The following RPH3AL variants were observed in gnomAD, a reference collection of about 807,000 sequenced individuals.
RPH3AL encodes the protein rab effector Noc2.
In RPH3AL, 38 loss-of-function variants were observed where a neutral mutation model predicts 43.1. The ratio of observed to expected loss-of-function variants is 0.88; its 90% CI spans 0.68 to 1.15. The LOEUF (loss-of-function observed/expected upper bound fraction) is 1.15. Ranked by LOEUF, RPH3AL falls within the 50% of genes most tolerant of loss-of-function variation. RPH3AL has a pLI of 0.00. For missense variants in RPH3AL, 462 were observed against 423.2 expected (o/e 1.09, Z -0.81); for synonymous variants, 189 against 176.3 (o/e 1.07, Z -0.57).
At chr17:295,518 GAA>G (rs2043156994) in intron 5 of RPH3AL, among the ~76,000 whole-genome samples, 5 of 78,540 alleles carry the variant, frequency 6.4e-5, no homozygotes, top group African/African-American at 2.7e-4. Flanking sequence ...TGCAGAAATG[GAA>G]AGCAGAGGGA....
At chr17:271,885 A>G (rs2042472263) in intron 6 of RPH3AL, among the ~76,000 whole-genome samples, 1 of 152,212 alleles carries the variant, frequency 6.6e-6, no homozygotes, top group South Asian at 2.1e-4. Context: ...CAGAATCTAC[A>G]AAGAACTTAA....
At position 305,656 on chromosome 17, in the gene RPH3AL, G is replaced by A. The variant is rs757971432; in HGVS notation, c.351+13764C>T. ...TCCACACAGACATTCAGGCAGGTTCGAGGGAAGAAGACAGCTTCCCGGCCA... is the reference window on the plus strand; with the variant it reads ...TCCACACAGACATTCAGGCAGGTTCAAGGGAAGAAGACAGCTTCCCGGCCA... On this transcript the variant is annotated intron_variant, in intron 5 of 9. Coordinates refer to ENST00000331302, the MANE Select transcript of RPH3AL (RefSeq NM_006987.4). Among the ~76,000 whole-genome samples the A allele has an allele frequency of 5.3e-5, 8 of 152,196 alleles. No individual in the cohort carries two copies. In the East Asian group the frequency reaches 7.7e-4, roughly 15 times the overall value.
intron 2 of RPH3AL, chr17:332,402 A>C (rs1437716482): frequency 5.7e-6 from 1 of 175,004 alleles, no homozygotes; most frequent in African/African-American, 2.4e-5. Context: ...CCCGCCCAGA[A>C]GTGTTCAGTT....
At chr17:272,837 A>G (rs965672426) in intron 6 of RPH3AL, among the ~76,000 whole-genome samples, 22 of 151,532 alleles carry the variant, frequency 1.5e-4, no homozygotes, top group African/African-American at 5.3e-4. Flanking sequence ...TTCTTTTTTT[A>G]GTCAATCAAC....
At chr17:316,337 C>G (rs375735242) in intron 5 of RPH3AL, among the ~76,000 whole-genome samples, 1 of 97,442 alleles carries the variant, frequency 1.0e-5, no homozygotes. Flanking sequence ...TCCACCTCCA[C>G]TGACCTGTAG....
intron 2 of RPH3AL, chr17:331,277 G>A (rs149203547): frequency 8.0e-6 from 2 of 251,076 alleles, no homozygotes; most frequent in African/African-American, 2.3e-5. Context: ...CTGCAGAGAT[G>A]AAGGGAGACG....
chr17:303,529 T>G lies in RPH3AL; in HGVS notation c.351+15891A>C, dbSNP rs12449428. 5.3e-4 allele frequency among the ~76,000 whole-genome samples: 20 copies of G among 37,514 alleles called. 2 individuals are homozygous for G. Among genetic ancestry groups the G allele is most frequent in the African/African-American group, 1.7e-3 (20 of 11,438 alleles). 24.6% of individuals were successfully genotyped at this position (37,514 alleles called of 152,430 possible). ...AATAATTATTGAGCAGTGACCGTGT[T>G]TCAGGAAAGAGATGGGGAGGGAGGG... On this transcript the variant is annotated intron_variant, in intron 5 of 9. Coordinates refer to ENST00000331302, the MANE Select transcript of RPH3AL (RefSeq NM_006987.4).
chr17:332,643 G>A (rs1370499842), intron 2 of RPH3AL: 3 of 222,622 alleles, frequency 1.3e-5, no homozygotes, highest in Non-Finnish European at 2.8e-5. Context: ...CAGACAGCTG[G>A]ACTCTAACCA....
Position 321,463 on chromosome 17 carries a change from C to G in RPH3AL, c.78-48G>C, listed in dbSNP as rs766864059. On this transcript the variant is annotated intron_variant, in intron 3 of 9. Coordinates refer to ENST00000331302, the MANE Select transcript of RPH3AL (RefSeq NM_006987.4). Reference sequence around the variant, plus strand: ...GGCGTGGAGGCCTCCCCGGTGCAAACTCCGGCAGCCCCTACCACATCCACC... The same window carrying G: ...GGCGTGGAGGCCTCCCCGGTGCAAAGTCCGGCAGCCCCTACCACATCCACC... 1.7e-5 allele frequency: 25 copies of G among 1,508,480 alleles called. No homozygotes were observed. In the African/African-American group the frequency reaches 3.2e-4, roughly 19 times the overall value. The allele number at this position is 1,508,480 out of a possible 1,614,324, so 93.4% of individuals were successfully genotyped here.
chr17:242,764 C>A (rs1447474886), intron 7 of RPH3AL, among the ~76,000 whole-genome samples: 2 of 50,584 alleles, frequency 4.0e-5, no homozygotes, highest in African/African-American at 1.5e-4. Context: ...CTATTGATTA[C>A]CTTCCTCTAT....
intron 8 of RPH3AL, among the ~76,000 whole-genome samples, chr17:216,250 A>G (rs886209951): frequency 6.6e-6 from 1 of 150,986 alleles, no homozygotes; most frequent in African/African-American, 2.4e-5. Flanking sequence ...CCTCACCCAC[A>G]TGGCTGCAGG....
At chr17:253,531 TTAAAG>T (rs1362621976) in intron 6 of RPH3AL, among the ~76,000 whole-genome samples, 4 of 152,160 alleles carry the variant, frequency 2.6e-5, no homozygotes, top group African/African-American at 4.8e-5. Context: ...TTCCATTGTA[TTAAAG>T]TATTCATAAC....
At chr17:231,504 A>C (rs1284568974) in intron 7 of RPH3AL, among the ~76,000 whole-genome samples, 1 of 152,142 alleles carries the variant, frequency 6.6e-6, no homozygotes, top group Non-Finnish European at 1.5e-5. Flanking sequence ...GAGAGAGCTG[A>C]GAGCTGACAG....
intron 7 of RPH3AL, among the ~76,000 whole-genome samples, chr17:220,019 C>T (rs1353141257): frequency 6.6e-6 from 1 of 152,148 alleles, no homozygotes; most frequent in African/African-American, 2.4e-5. Context: ...CATGACAACC[C>T]CTGTTCTAGT....
intron 6 of RPH3AL, among the ~76,000 whole-genome samples, chr17:275,848 T>A (rs2042643287): frequency 6.6e-6 from 1 of 152,202 alleles, no homozygotes; most frequent in Non-Finnish European, 1.5e-5. Flanking sequence ...TGCCCAGGCT[T>A]ATTCCCTTTT....
intron 6 of RPH3AL, among the ~76,000 whole-genome samples, chr17:268,930 G>C (rs893590437): frequency 6.6e-6 from 1 of 152,064 alleles, no homozygotes; most frequent in Non-Finnish European, 1.5e-5. Flanking sequence ...CCAGGCTGGA[G>C]TGCAGTGCCG....
intron 5 of RPH3AL, among the ~76,000 whole-genome samples, chr17:311,011 G>A (rs971660972): frequency 5.9e-5 from 9 of 152,016 alleles, no homozygotes; most frequent in Non-Finnish European, 7.4e-5. Flanking sequence ...TTCATCTCCC[G>A]AAAGACTCCC....
At chr17:263,048 G>A (rs564598821) in intron 6 of RPH3AL, among the ~76,000 whole-genome samples, 14 of 152,246 alleles carry the variant, frequency 9.2e-5, no homozygotes, top group East Asian at 3.9e-4. Context: ...ACTCTGCCAC[G>A]TGCATGAAGA....
chr17:347,844 G>A lies in RPH3AL; in HGVS notation c.-213+4868C>T, dbSNP rs118159112. 7.7e-3 allele frequency among the ~76,000 whole-genome samples: 1,168 copies of A among 151,796 alleles called. 26 individuals are homozygous for A. The highest frequency in any genetic ancestry group is 0.051 in the Admixed American group (784 of 15,248). On this transcript the variant is annotated intron_variant, in intron 1 of 9. Transcript: ENST00000331302. ...AAAATATGGTACCATATATTCATAC[G>A]ATGGAACAGAATTCAGTGATAAAAA...
Sources: allele counts gnomAD v4.1 joint callset (sites outside exome capture counted in the v4.1 genomes callset), GRCh38; gene constraint gnomAD v4.1.1; transcripts MANE v1.5; gene names NCBI Gene and HGNC (gene_info 2026-07-23, HGNC 2026-07-21).